FRAS1: variants seen among roughly 807,000 people sequenced by gnomAD.
The protein encoded by FRAS1 is Fraser extracellular matrix complex subunit 1, also known as extracellular matrix organizing protein FRAS1.
In FRAS1, 290 loss-of-function variants were observed where a neutral mutation model predicts 435.2. The observed-to-expected ratio is 0.67, with a 90% CI of 0.61 to 0.73. The LOEUF is 0.73. Ranked by LOEUF, FRAS1 falls within the 30% of genes least tolerant of loss-of-function variation. The pLI, the probability that FRAS1 is intolerant of heterozygous loss-of-function variation, is 0.00. For missense variants in FRAS1, 4,860 were observed against 5,001.5 expected, an observed-to-expected ratio of 0.97 and a Z score of 0.85; for synonymous variants, 1,800 against 1,851.0, an observed-to-expected ratio of 0.97 and a Z score of 0.71.
At chr4:78,277,370 G>A (rs893437015) in intron 9 of FRAS1, among the ~76,000 whole-genome samples, 13 of 152,174 alleles carry the variant, frequency 8.5e-5, no homozygotes, top group African/African-American at 3.1e-4. Flanking sequence ...CAGTACCTCA[G>A]TTGGAAATGC....
At chr4:78,294,952 G>T (rs1728080203) in intron 14 of FRAS1, among the ~76,000 whole-genome samples, 1 of 151,856 alleles carries the variant, frequency 6.6e-6, no homozygotes, top group East Asian at 1.9e-4. Flanking sequence ...TTAGTATTTT[G>T]GTGTATGTCT....
At position 78,252,265 on chromosome 4, in the gene FRAS1, G is replaced by A. The variant is rs568569372; in HGVS notation, c.310-127G>A. 100 of 912,868 alleles carry A rather than the reference G, an allele frequency of 1.1e-4. No individual in the cohort carries two copies. The South Asian group carries it at 1.8e-3, about 16-fold the overall frequency. The allele number at this position is 912,868 out of a possible 1,614,324, so 56.5% of individuals were successfully genotyped here. On this transcript the variant is annotated intron_variant, in intron 4 of 73. Transcript: ENST00000512123. The stretch of plus-strand genomic sequence containing the variant: ...CCACTCTCAACCTTGCAAGCTCATA[G>A]CTTTATTCCACCTTTCCCTGAGCTC...
intron 2 of FRAS1, among the ~76,000 whole-genome samples, chr4:78,214,960 G>GTCAA (rs1723693193): frequency 6.6e-6 from 1 of 152,090 alleles, no homozygotes; most frequent in African/African-American, 2.4e-5. Context: ...TAATGACTAT[G>GTCAA]TCAAAGGTGT....
At chr4:78,393,133 C>T (rs1578294968) in intron 29 of FRAS1, among the ~76,000 whole-genome samples, 1 of 151,818 alleles carries the variant, frequency 6.6e-6, no homozygotes, top group South Asian at 2.1e-4. Context: ...AGCATCACCA[C>T]TATCCAGGTC....
chr4:78,346,620 C>T (rs901120883), intron 20 of FRAS1, among the ~76,000 whole-genome samples: 9 of 152,168 alleles, frequency 5.9e-5, no homozygotes, highest in African/African-American at 1.2e-4. Context: ...GGCCTTCCCA[C>T]GCACTCCCTA....
intron 71 of FRAS1, among the ~76,000 whole-genome samples, chr4:78,535,569 A>G (rs1380548705): frequency 6.6e-6 from 1 of 152,044 alleles, no homozygotes; most frequent in Non-Finnish European, 1.5e-5. Context: ...GTTATCCTCA[A>G]CTTCCCCTTC....
Position 78,112,176 on chromosome 4 carries a change from A to G in FRAS1, c.108+46160A>G, listed in dbSNP as rs1361106538. On this transcript the variant is annotated intron_variant, in intron 2 of 73. Coordinates refer to ENST00000512123, the MANE Select transcript of FRAS1 (RefSeq NM_025074.7). ...GGAGAAAGGAAAAATGTCTAATTGCATGTGGTTAGCATATTTTTGTGCTTG... is the reference window on the plus strand; with the variant it reads ...GGAGAAAGGAAAAATGTCTAATTGCGTGTGGTTAGCATATTTTTGTGCTTG... Among the ~76,000 whole-genome samples, 3 of 152,140 alleles carry G rather than the reference A, an allele frequency of 2.0e-5. No individual in the cohort carries two copies. In the South Asian group the frequency reaches 6.2e-4, roughly 32 times the overall value.
intron 2 of FRAS1, among the ~76,000 whole-genome samples, chr4:78,072,396 T>C (rs372603326): frequency 2.0e-5 from 3 of 152,218 alleles, no homozygotes; most frequent in Non-Finnish European, 4.4e-5. Context: ...TTTGTCCTTG[T>C]ATTCATCAAC....
intron 2 of FRAS1, among the ~76,000 whole-genome samples, chr4:78,124,527 A>G (rs1719226713): frequency 6.6e-6 from 1 of 152,170 alleles, no homozygotes; most frequent in Non-Finnish European, 1.5e-5. Flanking sequence ...TCTATTGATC[A>G]GAATAGTTTC....
intron 4 of FRAS1, 91 bp from the exon 5 acceptor site, chr4:78,252,301 T>C (rs1725568919): frequency 1.6e-6 from 2 of 1,277,792 alleles, no homozygotes; most frequent in South Asian, 1.3e-5. Flanking sequence ...CATCCTTAAT[T>C]TGGATAAGAG....
At chr4:78,065,188 A>G (rs867437897) in intron 1 of FRAS1, among the ~76,000 whole-genome samples, 25 of 147,172 alleles carry the variant, frequency 1.7e-4, no homozygotes, top group African/African-American at 5.9e-4. Context: ...ATATGTGTAT[A>G]TATGTGTATA....
intron 2 of FRAS1, among the ~76,000 whole-genome samples, chr4:78,221,133 AC>A (rs1724035508): frequency 6.6e-6 from 1 of 152,188 alleles, no homozygotes; most frequent in Non-Finnish European, 1.5e-5. Flanking sequence ...ACGCCACTGC[AC>A]TCCAGCCTGG....
chr4:78,138,665 G>C (rs1275329358), intron 2 of FRAS1, among the ~76,000 whole-genome samples: 2 of 152,042 alleles, frequency 1.3e-5, no homozygotes, highest in African/African-American at 4.8e-5. Flanking sequence ...GACTATAAAT[G>C]ATAGGTACTT....
chr4:78,526,245 C>A (rs1311826913), intron 69 of FRAS1, among the ~76,000 whole-genome samples: 1 of 152,220 alleles, frequency 6.6e-6, no homozygotes, highest in East Asian at 1.9e-4. Context: ...GTTCTGTCAT[C>A]ACCTGAGCCT....
chr4:78,211,213 G>T (rs1189599549), intron 2 of FRAS1, among the ~76,000 whole-genome samples: 5 of 152,208 alleles, frequency 3.3e-5, no homozygotes, highest in Non-Finnish European at 7.3e-5. Flanking sequence ...TCTGGGTGTT[G>T]ATAAGTTTAT....
intron 28 of FRAS1, among the ~76,000 whole-genome samples, chr4:78,385,124 C>T (rs1732172469): frequency 6.6e-6 from 1 of 152,080 alleles, no homozygotes; most frequent in Non-Finnish European, 1.5e-5. Flanking sequence ...TTCAAACTCA[C>T]CTCTCATCAT....
At chr4:78,491,791 G>A (rs150079870) in intron 59 of FRAS1, among the ~76,000 whole-genome samples, 79 of 152,296 alleles carry the variant, frequency 5.2e-4, no homozygotes, top group African/African-American at 1.9e-3. Context: ...AGTATTAAAC[G>A]TTCTGGCTAG....
At chr4:78,303,334 G>A (rs915536050) in intron 14 of FRAS1, among the ~76,000 whole-genome samples, 4 of 152,126 alleles carry the variant, frequency 2.6e-5, no homozygotes, top group African/African-American at 4.8e-5. Flanking sequence ...TTGACTTGGC[G>A]ATGGAGGCTC....
chr4:78,340,120 C>T (rs1252385033), intron 20 of FRAS1, among the ~76,000 whole-genome samples: 2 of 152,052 alleles, frequency 1.3e-5, no homozygotes, highest in African/African-American at 2.4e-5. Context: ...GTGATTAGGA[C>T]TTGCATTAAT....
Sources: gnomAD v4.1 joint callset for allele counts (sites outside exome capture counted in the v4.1 genomes callset) on GRCh38, gnomAD v4.1.1 for gene constraint, MANE v1.5 for transcripts, NCBI Gene and HGNC (gene_info 2026-07-23, HGNC 2026-07-21) for gene names.